Variants in DLGAP2 observed in about 807,000 individuals in gnomAD.
DLGAP2 encodes the protein DLG associated protein 2.
In DLGAP2, 26 loss-of-function variants were observed where a neutral mutation model predicts 100.3. The ratio of observed to expected loss-of-function variants is 0.26; its 90% confidence interval spans 0.19 to 0.36. DLGAP2 has a LOEUF of 0.36. DLGAP2 is among the 10% of genes least tolerant of loss of function. DLGAP2 has a pLI of 1.00. For synonymous variants in DLGAP2, 886 were observed against 630.1 expected, an observed-to-expected ratio of 1.41 and a Z score of -6.08; for missense variants, 1,858 against 1,453.2, an observed-to-expected ratio of 1.28 and a Z score of -4.53.
intron 2 of DLGAP2, among the ~76,000 whole-genome samples, chr8:1,073,998 G>A (rs1253881743): frequency 6.7e-6 from 1 of 149,362 alleles, no homozygotes; most frequent in Non-Finnish European, 1.5e-5. Flanking sequence ...TGTAACAGAA[G>A]GGTTTGCAGC....
chr8:1,571,963 T>G (rs1344014752), intron 6 of DLGAP2, among the ~76,000 whole-genome samples: 3 of 96,734 alleles, frequency 3.1e-5, no homozygotes, highest in African/African-American at 4.3e-5. Context: ...GGGTGAACTG[T>G]GGGGGCGTCT....
intron 2 of DLGAP2, chr8:1,248,719 G>A (rs1381176597): frequency 6.5e-6 from 1 of 152,746 alleles, no homozygotes; most frequent in Admixed American, 6.5e-5. Flanking sequence ...AGGAGAGAGG[G>A]AGTGGCGGAT....
intron 1 of DLGAP2, among the ~76,000 whole-genome samples, chr8:868,012 A>G (rs898021677): frequency 2.6e-5 from 4 of 152,334 alleles, no homozygotes; most frequent in Non-Finnish European, 5.9e-5. Flanking sequence ...GGCTTCATCC[A>G]TCATGCATCC....
intron 2 of DLGAP2, among the ~76,000 whole-genome samples, chr8:1,087,952 C>A (rs955110991): frequency 6.6e-6 from 1 of 152,226 alleles, no homozygotes; most frequent in East Asian, 1.9e-4. Context: ...AATGTCAGTG[C>A]CAGTTCCTGG....
intron 5 of DLGAP2, among the ~76,000 whole-genome samples, chr8:1,559,516 T>A (rs1215201115): frequency 6.6e-6 from 1 of 152,232 alleles, no homozygotes; most frequent in Non-Finnish European, 1.5e-5. Context: ...CTTTCTGTAT[T>A]GAAATTTCTT....
At chr8:876,742 C>T (rs1222493957) in intron 1 of DLGAP2, among the ~76,000 whole-genome samples, 1 of 152,032 alleles carries the variant, frequency 6.6e-6, no homozygotes, top group Non-Finnish European at 1.5e-5. Flanking sequence ...TTTCTCTTAC[C>T]TCCTTCTGAT....
intron 1 of DLGAP2, among the ~76,000 whole-genome samples, chr8:852,691 C>A (rs1563063992): frequency 1.3e-5 from 2 of 152,168 alleles, no homozygotes; most frequent in African/African-American, 4.8e-5. Flanking sequence ...AACACCTTGG[C>A]TACTTCAACG....
intron 2 of DLGAP2, among the ~76,000 whole-genome samples, chr8:1,006,192 A>C (rs1801104052): frequency 6.6e-6 from 1 of 152,122 alleles, no homozygotes; most frequent in Admixed American, 6.5e-5. Context: ...CCATCTCAAA[A>C]AGAAAAGAAG....
At chr8:1,644,991 C>G (rs1001956547) in intron 8 of DLGAP2, among the ~76,000 whole-genome samples, 1 of 152,170 alleles carries the variant, frequency 6.6e-6, no homozygotes, top group Non-Finnish European at 1.5e-5. Flanking sequence ...GCCTGTAGTG[C>G]CAGCACTTTG....
At chr8:1,440,775 A>C (rs1227175289) in intron 3 of DLGAP2, among the ~76,000 whole-genome samples, 2 of 152,232 alleles carry the variant, frequency 1.3e-5, no homozygotes, top group Admixed American at 1.3e-4. Flanking sequence ...ATGAACCTGC[A>C]GATGAGGCTG....
intron 3 of DLGAP2, among the ~76,000 whole-genome samples, chr8:1,379,172 C>T (rs1163066894): frequency 6.6e-6 from 1 of 152,272 alleles, no homozygotes; most frequent in Non-Finnish European, 1.5e-5. Context: ...GGCACGTCAG[C>T]CTCACGGGGC....
intron 3 of DLGAP2, among the ~76,000 whole-genome samples, chr8:1,333,306 A>T (rs1462019274): frequency 1.3e-5 from 2 of 152,084 alleles, no homozygotes; most frequent in East Asian, 3.9e-4. Flanking sequence ...GGACACGGGG[A>T]CGGGCAGGGC....
At position 1,113,899 on chromosome 8, in the gene DLGAP2, A is replaced by G. The variant is rs7463875; in HGVS notation, c.74-144952A>G. ...AATACCTAGTATATTGAGAATTTTT[A>G]ACATGAAGAGGTATTGGATTTTATT... On this transcript the variant is annotated intron_variant, in intron 2 of 14. Coordinates refer to ENST00000637795, the MANE Select transcript of DLGAP2 (RefSeq NM_001346810.2). Among the ~76,000 whole-genome samples the G allele has an allele frequency of 6.0e-4, 91 of 152,258 alleles. No individual in the cohort carries two copies. In the East Asian group the frequency reaches 0.017, roughly 28 times the overall value.
intron 5 of DLGAP2, among the ~76,000 whole-genome samples, chr8:1,551,229 T>C (rs1801755568): frequency 6.6e-6 from 1 of 152,262 alleles, no homozygotes. Context: ...ACCCTAATCA[T>C]ATCCAAATGT....
chr8:929,629 G>C (rs148935007), intron 2 of DLGAP2, among the ~76,000 whole-genome samples: 320 of 2,120 alleles, frequency 0.15, 67 homozygotes, highest in South Asian at 0.3. Flanking sequence ...CATTCCCCCT[G>C]TAAACATCCC....
intron 2 of DLGAP2, among the ~76,000 whole-genome samples, chr8:1,199,138 C>T (rs1371617035): frequency 4.6e-5 from 7 of 152,214 alleles, no homozygotes; most frequent in Admixed American, 4.6e-4. Context: ...ACAACAACAA[C>T]CGCAGCAACA....
intron 3 of DLGAP2, among the ~76,000 whole-genome samples, chr8:1,485,667 G>C (rs1021716185): frequency 9.2e-5 from 14 of 152,308 alleles, no homozygotes; most frequent in African/African-American, 3.4e-4. Flanking sequence ...GGTCTGAAGC[G>C]CTGCCCCTAC....
At chr8:1,159,562 C>G (rs1421084338) in intron 2 of DLGAP2, among the ~76,000 whole-genome samples, 1 of 119,920 alleles carries the variant, frequency 8.3e-6, no homozygotes, top group Non-Finnish European at 1.7e-5. Context: ...AAACAACTCA[C>G]GAAGCAGCAC....
intron 3 of DLGAP2, among the ~76,000 whole-genome samples, chr8:1,390,583 G>A (rs916757347): frequency 2.0e-5 from 3 of 152,032 alleles, no homozygotes; most frequent in Non-Finnish European, 2.9e-5. Flanking sequence ...TGGTCTCTGC[G>A]TGCCGCCTCC....
Sources: allele counts gnomAD v4.1 joint callset (sites outside exome capture counted in the v4.1 genomes callset), GRCh38; gene constraint gnomAD v4.1.1; transcripts MANE v1.5; gene names NCBI Gene and HGNC (gene_info 2026-07-23, HGNC 2026-07-21).